The following EPHA6 variants were observed in gnomAD, a reference collection of about 807,000 sequenced individuals.
EPHA6 encodes ephrin type-A receptor 6.
Under a neutral mutation model 112.0 loss-of-function variants are expected in EPHA6, and 50 were observed. The ratio of observed to expected loss-of-function variants is 0.45; its 90% confidence interval spans 0.36 to 0.56. The LOEUF (loss-of-function observed/expected upper bound fraction) is 0.56. Among genes scored for constraint, EPHA6 ranks in the 20% least tolerant of loss-of-function variants. The pLI, the probability that EPHA6 is intolerant of heterozygous loss-of-function variation, is 0.00. For synonymous variants in EPHA6, 529 were observed against 490.7 expected, an observed-to-expected ratio of 1.08 and a Z score of -1.03; for missense variants, 1,280 against 1,417.4, an observed-to-expected ratio of 0.90 and a Z score of 1.56.
At chr3:97,157,783 G>A (rs1326152863) in intron 3 of EPHA6, among the ~76,000 whole-genome samples, 1 of 152,022 alleles carries the variant, frequency 6.6e-6, no homozygotes, top group Admixed American at 6.6e-5. Context: ...CTTTTTGTTG[G>A]TTCAGATCTT....
chr3:97,164,705 A>G (rs2076498878), intron 3 of EPHA6, among the ~76,000 whole-genome samples: 1 of 151,980 alleles, frequency 6.6e-6, no homozygotes, highest in African/African-American at 2.4e-5. Flanking sequence ...GGCAAATGAT[A>G]TTTTGGGAGA....
intron 3 of EPHA6, among the ~76,000 whole-genome samples, chr3:97,188,500 A>G (rs1335158957): frequency 1.3e-5 from 2 of 152,012 alleles, no homozygotes; most frequent in Non-Finnish European, 2.9e-5. Flanking sequence ...AAGAAGAGGA[A>G]ATGGAATAAG....
intron 1 of EPHA6, among the ~76,000 whole-genome samples, chr3:96,820,143 A>G (rs543911575): frequency 6.6e-6 from 1 of 152,100 alleles, no homozygotes. Context: ...TCCAGGGTGG[A>G]CTGGAACTTA....
chr3:97,396,506 T>C (rs2086702243), intron 5 of EPHA6, among the ~76,000 whole-genome samples: 1 of 151,568 alleles, frequency 6.6e-6, no homozygotes, highest in African/African-American at 2.4e-5. Context: ...GCAACAAGGA[T>C]ATTTGTGACA....
chr3:97,044,956 A>C (rs1443685300), intron 3 of EPHA6, among the ~76,000 whole-genome samples: 1 of 152,128 alleles, frequency 6.6e-6, no homozygotes, highest in Non-Finnish European at 1.5e-5. Flanking sequence ...TAAGGAAAAG[A>C]ACTCTTCTCA....
At chr3:97,175,002 G>C (rs765528527) in intron 3 of EPHA6, among the ~76,000 whole-genome samples, 3 of 151,890 alleles carry the variant, frequency 2.0e-5, no homozygotes, top group Non-Finnish European at 4.4e-5. Context: ...TTACCCCAAA[G>C]TTTTCTTGTA....
At chr3:97,472,707 A>G (rs1057235559) in intron 7 of EPHA6, among the ~76,000 whole-genome samples, 1 of 151,872 alleles carries the variant, frequency 6.6e-6, no homozygotes, top group East Asian at 1.9e-4. Context: ...ATAACACAAT[A>G]TCATAGTACA....
chr3:97,266,243 T>C (rs1039755649), intron 5 of EPHA6, among the ~76,000 whole-genome samples: 2 of 152,202 alleles, frequency 1.3e-5, no homozygotes, highest in African/African-American at 4.8e-5. Flanking sequence ...TTTATGTACA[T>C]GCATACATAA....
intron 5 of EPHA6, among the ~76,000 whole-genome samples, chr3:97,324,781 C>A (rs2082339706): frequency 6.6e-6 from 1 of 151,954 alleles, no homozygotes; most frequent in Non-Finnish European, 1.5e-5. Flanking sequence ...CTCAGGTGAT[C>A]CACCTGCCTC....
At chr3:97,199,722 A>G (rs2077531632) in intron 3 of EPHA6, among the ~76,000 whole-genome samples, 1 of 152,172 alleles carries the variant, frequency 6.6e-6, no homozygotes, top group Admixed American at 6.5e-5. Flanking sequence ...TTGGGATTCT[A>G]ATTATCTCCT....
intron 3 of EPHA6, among the ~76,000 whole-genome samples, chr3:97,029,490 T>C (rs903526256): frequency 1.3e-5 from 2 of 151,996 alleles, no homozygotes; most frequent in African/African-American, 4.8e-5. Flanking sequence ...AAAAAATACA[T>C]ACTGAAGCAC....
intron 10 of EPHA6, among the ~76,000 whole-genome samples, chr3:97,503,808 A>C (rs780185859): frequency 6.6e-6 from 1 of 152,208 alleles, no homozygotes; most frequent in Non-Finnish European, 1.5e-5. Flanking sequence ...TAAAAATTCA[A>C]AAGTTTCATT....
At chr3:97,289,777 C>T (rs1238003553) in intron 5 of EPHA6, among the ~76,000 whole-genome samples, 6 of 151,992 alleles carry the variant, frequency 3.9e-5, no homozygotes, top group Admixed American at 3.3e-4. Context: ...AGATCTTTCA[C>T]CTCCTTGGTT....
intron 5 of EPHA6, among the ~76,000 whole-genome samples, chr3:97,402,560 C>T (rs1430444874): frequency 6.6e-6 from 1 of 151,920 alleles, no homozygotes; most frequent in African/African-American, 2.4e-5. Context: ...GTAAACAGTA[C>T]ATAGTTAGGT....
intron 10 of EPHA6, among the ~76,000 whole-genome samples, chr3:97,497,154 C>G (rs1366969203): frequency 6.6e-6 from 1 of 152,186 alleles, no homozygotes; most frequent in African/African-American, 2.4e-5. Context: ...GTGTCCCTCT[C>G]TGCTCAAAAC....
chr3:96,995,303 T>C (rs1425199578), intron 3 of EPHA6, among the ~76,000 whole-genome samples: 6 of 152,182 alleles, frequency 3.9e-5, no homozygotes, highest in Admixed American at 3.3e-4. Context: ...GAGGATATGA[T>C]GAAAAGCTGA....
At chr3:97,400,754 T>C (rs1038466148) in intron 5 of EPHA6, among the ~76,000 whole-genome samples, 4 of 151,740 alleles carry the variant, frequency 2.6e-5, no homozygotes, top group African/African-American at 9.7e-5. Context: ...AGAATTTTTG[T>C]ACATTGATTT....
chr3:96,899,556 C>A (rs1481817135), intron 2 of EPHA6, among the ~76,000 whole-genome samples: 3 of 152,126 alleles, frequency 2.0e-5, no homozygotes, highest in Non-Finnish European at 4.4e-5. Context: ...TAATTTTGAT[C>A]AGTGTGTGTC....
chr3:97,388,675 G>T (rs2086217558), intron 5 of EPHA6, among the ~76,000 whole-genome samples: 1 of 152,134 alleles, frequency 6.6e-6, no homozygotes, highest in African/African-American at 2.4e-5. Context: ...CTAAACTGGG[G>T]AGGGGATTTA....
Sources: allele counts gnomAD v4.1 joint callset (sites outside exome capture counted in the v4.1 genomes callset), GRCh38; gene constraint gnomAD v4.1.1; transcripts MANE v1.5; gene names NCBI Gene and HGNC (gene_info 2026-07-23, HGNC 2026-07-21).